The following SORCS2 variants were observed in gnomAD, a reference collection of about 807,000 sequenced individuals.
SORCS2 encodes the protein sortilin related VPS10 domain containing receptor 2.
A neutral mutation model predicts 141.6 loss-of-function variants in SORCS2; 100 were observed. That is an observed-to-expected ratio of 0.71 (90% CI 0.60 to 0.83). SORCS2 has a LOEUF of 0.83. Ranked by LOEUF, SORCS2 falls within the 40% of genes least tolerant of loss-of-function variation. SORCS2 has a pLI of 0.00. For synonymous variants in SORCS2, 789 were observed against 676.9 expected (o/e 1.17, Z -2.57); for missense variants, 1,646 against 1,560.2 (o/e 1.05, Z -0.93).
rs1355730849 is a variant in SORCS2, at chr4:7,285,151, G to C, written c.480+92025G>C. On this transcript the variant is annotated intron_variant, in intron 1 of 26. Coordinates refer to ENST00000507866, the MANE Select transcript of SORCS2 (RefSeq NM_020777.3). ...GGGTTCAAACGATTCTCGTGCCTCAGCCTCCCGAGGAGCTGGAATTACAGG... is the reference window on the plus strand; with the variant it reads ...GGGTTCAAACGATTCTCGTGCCTCACCCTCCCGAGGAGCTGGAATTACAGG... Among the ~76,000 whole-genome samples, 3 of 151,786 alleles carry C rather than the reference G, an allele frequency of 2.0e-5. No individual in the cohort carries two copies. The East Asian group carries it at 5.8e-4, about 29-fold the overall frequency.
chr4:7,621,679 T>C (rs974173036), intron 3 of SORCS2, among the ~76,000 whole-genome samples: 4 of 152,212 alleles, frequency 2.6e-5, no homozygotes, highest in East Asian at 1.9e-4. Context: ...GAAAACACTT[T>C]TGCTGAACAA....
chr4:7,214,264 T>C (rs1372758615), intron 1 of SORCS2, among the ~76,000 whole-genome samples: 1 of 152,138 alleles, frequency 6.6e-6, no homozygotes, highest in Non-Finnish European at 1.5e-5. Context: ...GGTCATGAGC[T>C]CTCTGCCCTG....
At chr4:7,336,462 T>C (rs1434407512) in intron 1 of SORCS2, among the ~76,000 whole-genome samples, 2 of 149,068 alleles carry the variant, frequency 1.3e-5, no homozygotes, top group East Asian at 4.0e-4. Flanking sequence ...ATGGGGTTTC[T>C]AGGGTCCCAG....
intron 1 of SORCS2, among the ~76,000 whole-genome samples, chr4:7,346,478 G>C (rs551077456): frequency 6.6e-6 from 1 of 152,280 alleles, no homozygotes; most frequent in African/African-American, 2.4e-5. Context: ...CCAGGAGAAT[G>C]TTTTATGTGC....
intron 5 of SORCS2, among the ~76,000 whole-genome samples, chr4:7,658,265 G>T (rs1000724083): frequency 2.1e-5 from 3 of 140,616 alleles, no homozygotes; most frequent in African/African-American, 9.8e-5. Flanking sequence ...GTGAGTGAAT[G>T]AGTCTGTGAT....
chr4:7,373,802 T>G (rs1012556958), intron 1 of SORCS2, among the ~76,000 whole-genome samples: 7 of 152,020 alleles, frequency 4.6e-5, no homozygotes, highest in African/African-American at 1.7e-4. Flanking sequence ...CCTTTATATA[T>G]TCTGACTGCA....
chr4:7,430,384 AAACAAAACAAAAACAACAACAACAAAG>A (rs1434211226), intron 2 of SORCS2: 1 of 148,108 alleles, frequency 6.8e-6, no homozygotes, highest in African/African-American at 2.5e-5. Context: ...ACAAACAAAC[AAACAAAACAAAAACAACAACAACAAAG>A]CAGCTGGACC....
intron 14 of SORCS2, among the ~76,000 whole-genome samples, chr4:7,708,554 G>A (rs547994355): frequency 1.1e-4 from 17 of 152,246 alleles, no homozygotes; most frequent in Admixed American, 9.8e-4. Context: ...TCAGCGCCCC[G>A]GGAGAACAGT....
At chr4:7,238,703 T>TTTGG (rs1712469658) in intron 1 of SORCS2, among the ~76,000 whole-genome samples, 2 of 152,192 alleles carry the variant, frequency 1.3e-5, no homozygotes, top group Non-Finnish European at 2.9e-5. Context: ...GCCCTGCGTG[T>TTTGG]GTCTGGGTTT....
Position 7,430,622 on chromosome 4 carries a change from C to G in SORCS2, c.548+34267C>G, listed in dbSNP as rs554635588. On this transcript the variant is annotated intron_variant, in intron 2 of 26. Coordinates refer to ENST00000507866, the MANE Select transcript of SORCS2 (RefSeq NM_020777.3). ...GCCCGGCGGGAGCCCTCTCCCTCCT[C>G]CCAGGCAGAGATGCTCCTCTGTGCG... The G allele has an allele frequency of 1.0e-3, 155 of 152,388 alleles. 1 individual carries two copies. Among genetic ancestry groups the G allele is most frequent in the African/African-American group, 3.5e-3 (146 of 41,596 alleles). 9.4% of individuals were successfully genotyped at this position (152,388 alleles called of 1,614,324 possible).
At chr4:7,371,391 G>A (rs544994114) in intron 1 of SORCS2, among the ~76,000 whole-genome samples, 3 of 152,270 alleles carry the variant, frequency 2.0e-5, no homozygotes, top group South Asian at 2.1e-4. Context: ...GGCGATGTCC[G>A]TTTCCCATTC....
chr4:7,445,318 A>G (rs1727916633), intron 2 of SORCS2, among the ~76,000 whole-genome samples: 2 of 152,072 alleles, frequency 1.3e-5, no homozygotes, highest in Non-Finnish European at 2.9e-5. Flanking sequence ...GAGGTTGGGG[A>G]CATCCAGAGG....
intron 3 of SORCS2, among the ~76,000 whole-genome samples, chr4:7,636,223 G>A (rs894546579): frequency 6.7e-6 from 1 of 148,550 alleles, no homozygotes; most frequent in Non-Finnish European, 1.5e-5. Context: ...TGGCTCCAAA[G>A]GGAGACTTCC....
chr4:7,471,168 G>A (rs1729951808), intron 2 of SORCS2, among the ~76,000 whole-genome samples: 2 of 152,222 alleles, frequency 1.3e-5, no homozygotes, highest in African/African-American at 2.4e-5. Flanking sequence ...GGTCAGCGTT[G>A]CACCCGCCCG....
intron 1 of SORCS2, among the ~76,000 whole-genome samples, chr4:7,366,772 C>T (rs1721926246): frequency 6.6e-6 from 1 of 152,104 alleles, no homozygotes; most frequent in Non-Finnish European, 1.5e-5. Context: ...ACCCCCCCAA[C>T]CCCCAACAGC....
chr4:7,285,806 C>T (rs141587503), intron 1 of SORCS2, among the ~76,000 whole-genome samples: 29 of 152,298 alleles, frequency 1.9e-4, no homozygotes, highest in Non-Finnish European at 2.6e-4. Flanking sequence ...TCCGAGGGTG[C>T]GGGAGTGTGT....
intron 2 of SORCS2, among the ~76,000 whole-genome samples, chr4:7,397,665 T>A (rs9997600): frequency 0.016 from 2,474 of 152,252 alleles, 67 homozygotes; most frequent in African/African-American, 0.057. Flanking sequence ...GTTCACTACT[T>A]CGAGACGAGA....
rs142119154 is a variant in SORCS2 at position 7,457,456 on chromosome 4, C to G, written c.548+61101C>G. 6.8e-4 allele frequency among the ~76,000 whole-genome samples: 103 copies of G among 151,718 alleles called. 1 individual carries two copies. The South Asian group carries it at 0.014, about 21-fold the overall frequency. On this transcript the variant is annotated intron_variant, in intron 2 of 26. Coordinates refer to ENST00000507866, the MANE Select transcript of SORCS2 (RefSeq NM_020777.3). Reference sequence around the variant, plus strand: ...TGCAGCCAGAGGGCCTGGCTCACACCAGGGAGCGTGCCCCAGTGAACACTG... The same window carrying G: ...TGCAGCCAGAGGGCCTGGCTCACACGAGGGAGCGTGCCCCAGTGAACACTG...
chr4:7,602,835 C>A (rs961477854), intron 3 of SORCS2, among the ~76,000 whole-genome samples: 2 of 152,182 alleles, frequency 1.3e-5, no homozygotes, highest in African/African-American at 2.4e-5. Context: ...TGTAGCCAAC[C>A]GAGATCACGC....
Sources: gnomAD v4.1 joint callset for allele counts (sites outside exome capture counted in the v4.1 genomes callset) on GRCh38, gnomAD v4.1.1 for gene constraint, MANE v1.5 for transcripts, NCBI Gene and HGNC (gene_info 2026-07-23, HGNC 2026-07-21) for gene names.